NYAP2: variants seen among roughly 807,000 people sequenced by gnomAD.
The protein encoded by NYAP2 is neuronal tyrosine-phosphorylated phosphoinositide-3-kinase adaptor 2.
In NYAP2, 23 loss-of-function variants were observed where a neutral mutation model predicts 50.4. That is an observed-to-expected ratio of 0.46 (90% CI 0.33 to 0.65). The LOEUF is 0.65. Ranked by LOEUF, NYAP2 falls within the 30% of genes least tolerant of loss-of-function variation. NYAP2 has a pLI of 0.02. For synonymous variants in NYAP2, 394 were observed against 365.2 expected (o/e 1.08, Z -0.90); for missense variants, 885 against 861.0 (o/e 1.03, Z -0.35).
At chr2:225,702,266 C>T in the NYAP2 span, 1 of 151,696 alleles carries the variant, frequency 6.6e-6, no homozygotes, top group African/African-American at 2.4e-5. Context: ...TCCATGTATA[C>T]AAAATAGACA....
rs192950586 is a variant in NYAP2, at chr2:225,570,884, T to G, written c.524-11057T>G. On this transcript the variant is annotated intron_variant, in intron 4 of 6. Transcript: ENST00000636099. ...AGACAAGGCAAGTCCCTTCCACCTA[T>G]GAGCCTGTAAAATCAAAGCAAGTTA... 5.6e-3 allele frequency among the ~76,000 whole-genome samples: 848 copies of G among 152,290 alleles called. 3 individuals carry two copies. The highest frequency in any genetic ancestry group is 1.0e-2 in the Non-Finnish European group (677 of 68,026).
chr2:225,534,601 A>G (rs1691314815), intron 4 of NYAP2, among the ~76,000 whole-genome samples: 1 of 152,260 alleles, frequency 6.6e-6, no homozygotes, highest in Non-Finnish European at 1.5e-5. Context: ...AAAGAGATGC[A>G]GAAGGAAATT....
intron 4 of NYAP2, among the ~76,000 whole-genome samples, chr2:225,514,994 G>C (rs146331245): frequency 5.3e-4 from 81 of 152,296 alleles, no homozygotes; most frequent in African/African-American, 1.9e-3. Flanking sequence ...CTCATAGGCA[G>C]TCCATGAGAT....
chr2:225,439,579 T>C (rs1300662794), intron 3 of NYAP2, among the ~76,000 whole-genome samples: 2 of 152,136 alleles, frequency 1.3e-5, no homozygotes, highest in Non-Finnish European at 2.9e-5. Context: ...GACAAGAATG[T>C]TTCATGAGTC....
chr2:225,556,403 T>A (rs1691776690), intron 4 of NYAP2, among the ~76,000 whole-genome samples: 1 of 152,322 alleles, frequency 6.6e-6, no homozygotes, highest in Admixed American at 6.5e-5. Context: ...CTTAACAAAA[T>A]ACAAATTTCA....
chr2:225,651,467 T>C, exon 7 of NYAP2: 1 of 1,614,014 alleles, frequency 6.2e-7, no homozygotes, highest in African/African-American at 1.3e-5. Context: ...CCGGTCTGCG[T>C]CGACGTCAGG....
chr2:225,664,582 A>T, the NYAP2 span, among the ~76,000 whole-genome samples: 1 of 152,002 alleles, frequency 6.6e-6, no homozygotes, highest in African/African-American at 2.4e-5. Flanking sequence ...ATAGAACTGA[A>T]ATGCGGCCGG....
intron 3 of NYAP2, among the ~76,000 whole-genome samples, chr2:225,437,169 A>G (rs992773200): frequency 2.0e-5 from 3 of 152,128 alleles, no homozygotes; most frequent in African/African-American, 7.2e-5. Context: ...CCAAGCAGCC[A>G]TCTTTTCTGA....
intron 3 of NYAP2, among the ~76,000 whole-genome samples, chr2:225,419,332 T>C (rs1359981006): frequency 1.3e-5 from 2 of 152,212 alleles, no homozygotes; most frequent in Admixed American, 1.3e-4. Flanking sequence ...TCTGCAATGA[T>C]GGAGACATAG....
At chr2:225,440,164 T>C (rs1184576996) in intron 3 of NYAP2, among the ~76,000 whole-genome samples, 1 of 152,168 alleles carries the variant, frequency 6.6e-6, no homozygotes, top group African/African-American at 2.4e-5. Context: ...AGCAAAACCT[T>C]ATCAAACAGC....
chr2:225,410,873 G>A (rs1388596079), intron 3 of NYAP2, among the ~76,000 whole-genome samples: 6 of 152,208 alleles, frequency 3.9e-5, no homozygotes, highest in African/African-American at 1.2e-4. Flanking sequence ...TTAGGTAGAC[G>A]GAGACACAGC....
At chr2:225,580,988 A>C (rs1203080009) in intron 4 of NYAP2, among the ~76,000 whole-genome samples, 1 of 152,230 alleles carries the variant, frequency 6.6e-6, no homozygotes, top group African/African-American at 2.4e-5. Flanking sequence ...AACAAGACTC[A>C]AGTACCTTCC....
chr2:225,451,626 A>G (rs1426277130), intron 3 of NYAP2, among the ~76,000 whole-genome samples: 1 of 152,206 alleles, frequency 6.6e-6, no homozygotes, highest in Non-Finnish European at 1.5e-5. Flanking sequence ...CTGCTGGCTA[A>G]TTCTATTTCA....
chr2:225,448,245 G>A (rs1374168402), intron 3 of NYAP2, among the ~76,000 whole-genome samples: 7 of 152,192 alleles, frequency 4.6e-5, no homozygotes, highest in Admixed American at 1.3e-4. Flanking sequence ...CTGCTTTTGT[G>A]GGTAGGAGCT....
chr2:225,512,828 TCTCTC>T (rs2106185156), intron 3 of NYAP2, among the ~76,000 whole-genome samples: 1 of 92,040 alleles, frequency 1.1e-5, no homozygotes, highest in African/African-American at 4.9e-5. Flanking sequence ...TTTCTCTCTC[TCTCTC>T]TCTCTTTCTT....
chr2:225,656,108 A>T (rs1256424004), downstream of NYAP2, among the ~76,000 whole-genome samples: 18 of 152,130 alleles, frequency 1.2e-4, no homozygotes, highest in Admixed American at 1.2e-3. Context: ...ATTATCTCTG[A>T]TCATCCTTGA....
chr2:225,684,406 C>CTTT, the NYAP2 span, among the ~76,000 whole-genome samples: 9 of 138,792 alleles, frequency 6.5e-5, no homozygotes, highest in South Asian at 2.0e-3. Flanking sequence ...TTCTCTCTCT[C>CTTT]TTTTTTTTTT....
intron 5 of NYAP2, among the ~76,000 whole-genome samples, chr2:225,584,093 A>G (rs1692350020): frequency 6.6e-6 from 1 of 152,200 alleles, no homozygotes; most frequent in Non-Finnish European, 1.5e-5. Flanking sequence ...TTCCCATTAG[A>G]AAACCTGTGT....
intron 4 of NYAP2, among the ~76,000 whole-genome samples, chr2:225,557,274 C>A (rs775825841): frequency 6.6e-6 from 1 of 152,112 alleles, no homozygotes; most frequent in Non-Finnish European, 1.5e-5. Context: ...TCCTTCCATC[C>A]ATCTATCAAT....
Sources: allele counts gnomAD v4.1 joint callset (sites outside exome capture counted in the v4.1 genomes callset), GRCh38; gene constraint gnomAD v4.1.1; transcripts MANE v1.5; gene names NCBI Gene and HGNC (gene_info 2026-07-23, HGNC 2026-07-21).